The following FERMT2 variants were observed in gnomAD, a reference collection of about 807,000 sequenced individuals.
FERMT2 encodes the protein fermitin family homolog 2.
A neutral mutation model predicts 82.7 loss-of-function variants in FERMT2; 15 were observed. That is an observed-to-expected ratio of 0.18 (90% CI 0.12 to 0.28). The LOEUF (loss-of-function observed/expected upper bound fraction) is 0.28. Ranked by LOEUF, FERMT2 falls within the 10% of genes least tolerant of loss-of-function variation. The pLI is 1.00. For missense variants in FERMT2, 645 were observed against 809.4 expected (o/e 0.80, Z 2.46); for synonymous variants, 274 against 271.5 (o/e 1.01, Z -0.09).
intron 8 of FERMT2, 47 bp from the exon 9 acceptor site, chr14:52,874,273 T>G: frequency 4.0e-6 from 5 of 1,252,782 alleles, no homozygotes; most frequent in South Asian, 1.5e-5. Flanking sequence ...TATTTGAAAT[T>G]CTTTCTAATG....
intron 12 of FERMT2, chr14:52,861,049 G>T: frequency 1.3e-6 from 2 of 1,497,746 alleles, no homozygotes; most frequent in South Asian, 2.8e-5. Context: ...AGATGGCAAT[G>T]CGAGGAAAGA....
In FERMT2 at chr14:52,892,298, C is replaced by T. The variant is rs577982942; in HGVS notation, c.526+995G>A. ...CTGAGATTACAGGTGCCTGTCACCA[C>T]GCCCAGCTAATTTTTGTATTTTTAG... On this transcript the variant is annotated intron_variant, in intron 4 of 14. Transcript: ENST00000341590. 5.9e-4 allele frequency among the ~76,000 whole-genome samples: 90 copies of T among 151,322 alleles called. 2 individuals carry two copies. In the South Asian group the frequency reaches 8.6e-3, roughly 14 times the overall value.
chr14:52,946,172 G>A (rs1348356154), intron 2 of FERMT2, among the ~76,000 whole-genome samples: 1 of 152,044 alleles, frequency 6.6e-6, no homozygotes, highest in Non-Finnish European at 1.5e-5. Context: ...ACCGTGCCCA[G>A]CCAAGGATTT....
chr14:52,874,182 A>T lies in FERMT2; in HGVS notation c.1143T>A (p.Val381=). The T allele has an allele frequency of 6.3e-7, 1 of 1,590,740 alleles. No individual in the cohort carries two copies. Among genetic ancestry groups the T allele is most frequent in the Middle Eastern group, 1.7e-4 (1 of 5,990 alleles). Residue 381 remains valine, a synonymous_variant, in exon 9 of 15, where the codon GTT becomes GTA. Coordinates refer to ENST00000341590, the MANE Select transcript of FERMT2 (RefSeq NM_006832.3). ...TCCCTCCTTTTTGTACTTACTTGAA[A>T]ACTTTAATGTAGTCAGCAAGTTCAG... The part of the protein sequence containing the change: ...SIPELADYIK[V]FKPKKLTLKG...
intron 3 of FERMT2, among the ~76,000 whole-genome samples, chr14:52,896,298 G>T (rs1175308802): frequency 6.6e-6 from 1 of 152,160 alleles, no homozygotes; most frequent in Non-Finnish European, 1.5e-5. Flanking sequence ...TACAAAACTT[G>T]TAAAGCTGTA....
At chr14:52,946,835 G>A (rs1163436124) in intron 2 of FERMT2, among the ~76,000 whole-genome samples, 1 of 152,000 alleles carries the variant, frequency 6.6e-6, no homozygotes, top group East Asian at 1.9e-4. Flanking sequence ...ACCACATCCA[G>A]CTAATTTTTG....
chr14:52,863,377 A>G (rs1451431942), intron 12 of FERMT2: 1 of 152,170 alleles, frequency 6.6e-6, no homozygotes, highest in Non-Finnish European at 1.5e-5. Context: ...ATTATTCCTT[A>G]ACAAAGATTA....
chr14:52,869,682 TTACTA>T (rs1285094798), intron 10 of FERMT2, among the ~76,000 whole-genome samples: 2 of 152,220 alleles, frequency 1.3e-5, no homozygotes, highest in Non-Finnish European at 2.9e-5. Context: ...GTTTATGTAT[TTACTA>T]TACTATTCTT....
chr14:52,875,360 G>C lies in FERMT2; in HGVS notation c.964-3C>G. ...ATTGACAGCTTATTGATATGATACT[G>C]AAACCAGAATTATTTTATTAAAATA... On this transcript the variant is annotated splice_polypyrimidine_tract_variant and splice_region_variant and intron_variant, in intron 7 of 14. Transcript: ENST00000341590. The C allele has an allele frequency of 6.4e-7, 1 of 1,570,778 alleles. No homozygotes were observed. Among genetic ancestry groups the C allele is most frequent in the Non-Finnish European group, 8.7e-7 (1 of 1,149,042 alleles).
At chr14:52,927,983 T>C in intron 2 of FERMT2, 1 of 375,248 alleles carries the variant, frequency 2.7e-6, no homozygotes, top group South Asian at 1.9e-5. Context: ...ATGAAGTAAT[T>C]CTTTTTTAAA....
chr14:52,907,759 AAAC>A (rs911120606), intron 3 of FERMT2, among the ~76,000 whole-genome samples: 33 of 152,014 alleles, frequency 2.2e-4, no homozygotes, highest in East Asian at 1.5e-3. Flanking sequence ...AATATAATCA[AAAC>A]AACCACCCCC....
intron 9 of FERMT2, 53 bp from the exon 10 acceptor site, chr14:52,872,976 C>T (rs554889752): frequency 2.2e-5 from 34 of 1,557,412 alleles, no homozygotes; most frequent in South Asian, 6.9e-5. Flanking sequence ...ACTTTATTAA[C>T]GCTGTATTAG....
At chr14:52,871,010 AAG>A (rs1407163754) in intron 10 of FERMT2, among the ~76,000 whole-genome samples, 5 of 152,190 alleles carry the variant, frequency 3.3e-5, no homozygotes, top group African/African-American at 9.7e-5. Context: ...GTACCCAAAG[AAG>A]AGATGGGCTG....
chr14:52,884,435 C>G (rs1041693888), intron 4 of FERMT2, among the ~76,000 whole-genome samples: 4 of 151,834 alleles, frequency 2.6e-5, no homozygotes, highest in Non-Finnish European at 5.9e-5. Context: ...AACCCCGCCT[C>G]TACTAAAAAT....
At chr14:52,864,147 C>T (rs1029118925) in intron 12 of FERMT2, among the ~76,000 whole-genome samples, 1 of 152,002 alleles carries the variant, frequency 6.6e-6, no homozygotes, top group African/African-American at 2.4e-5. Flanking sequence ...ATTATACTTA[C>T]CAGTTGAGGA....
chr14:52,922,431 AG>A (rs1300246781), intron 2 of FERMT2, among the ~76,000 whole-genome samples: 1 of 151,890 alleles, frequency 6.6e-6, no homozygotes, highest in East Asian at 1.9e-4. Flanking sequence ...ACAGTGAAAG[AG>A]GGGGGCCTCC....
chr14:52,864,605 G>A lies in FERMT2; in HGVS notation c.1398C>T (p.His466=). The change falls in exon 12 of 15, where the codon CAC becomes CAT. Residue 466 remains histidine (H), a synonymous_variant. Coordinates refer to ENST00000341590, the MANE Select transcript of FERMT2 (RefSeq NM_006832.3). ...AGGCTAATCTGCAGGCTGCCATCCAGTGTGCATACTGTTTTTCCTGGAGAA... is the reference window on the plus strand; with the variant it reads ...AGGCTAATCTGCAGGCTGCCATCCAATGTGCATACTGTTTTTCCTGGAGAA... ...LRCDNEKQYA[H]WMAACRLASK... 6.2e-7 allele frequency: 1 copy of A among 1,614,150 alleles called. No individual in the cohort carries two copies. Among genetic ancestry groups the A allele is most frequent in the Non-Finnish European group, 8.5e-7 (1 of 1,179,980 alleles).
intron 10 of FERMT2, chr14:52,871,976 G>C (rs1490652019): frequency 6.6e-6 from 1 of 152,366 alleles, no homozygotes; most frequent in East Asian, 1.9e-4. Context: ...GAGGTGTTGG[G>C]GAAGGGGAAG....
intron 4 of FERMT2, chr14:52,881,703 G>A: frequency 8.4e-7 from 1 of 1,184,030 alleles, no homozygotes; most frequent in Non-Finnish European, 1.1e-6. Flanking sequence ...AAATTCTGGG[G>A]AAAAAAAATC....
Sources: gnomAD v4.1 joint callset for allele counts (sites outside exome capture counted in the v4.1 genomes callset) on GRCh38, gnomAD v4.1.1 for gene constraint, MANE v1.5 for transcripts, NCBI Gene and HGNC (gene_info 2026-07-23, HGNC 2026-07-21) for gene names.